Variants in MARCHF1 observed in about 807,000 individuals in gnomAD.
MARCHF1 encodes the protein membrane associated ring-CH-type finger 1, also known as E3 ubiquitin-protein ligase MARCHF1.
MARCHF1 carries 40 observed loss-of-function variants against 54.2 expected under a neutral mutation model. That is an observed-to-expected ratio of 0.74 (90% CI 0.57 to 0.96). The LOEUF (loss-of-function observed/expected upper bound fraction) is 0.96. MARCHF1 is among the 40% of genes least tolerant of loss of function. MARCHF1 has a pLI of 0.00. For synonymous variants in MARCHF1, 236 were observed against 236.3 expected (o/e 1.00, Z 0.01); for missense variants, 586 against 656.5 (o/e 0.89, Z 1.17).
At chr4:164,047,211 G>A (rs1477494551) in intron 2 of MARCHF1, among the ~76,000 whole-genome samples, 1 of 152,130 alleles carries the variant, frequency 6.6e-6, no homozygotes, top group Non-Finnish European at 1.5e-5. Context: ...AGCTGGGAAT[G>A]ACTTCAGCTG....
At chr4:163,832,889 G>A (rs182768207) in intron 4 of MARCHF1, among the ~76,000 whole-genome samples, 1 of 151,750 alleles carries the variant, frequency 6.6e-6, no homozygotes. Context: ...TGGTTTCCAG[G>A]TTCATCCATG....
intron 5 of MARCHF1, among the ~76,000 whole-genome samples, chr4:163,666,230 C>A (rs150205008): frequency 6.6e-6 from 1 of 152,080 alleles, no homozygotes; most frequent in Non-Finnish European, 1.5e-5. Flanking sequence ...GATACTATCA[C>A]GTGGTTTGAT....
chr4:163,955,212 TAAAA>T (rs574633631), intron 3 of MARCHF1, among the ~76,000 whole-genome samples: 1 of 111,826 alleles, frequency 8.9e-6, no homozygotes, highest in Non-Finnish European at 1.9e-5. Flanking sequence ...TACTGAACAT[TAAAA>T]AAAAAAAAAA....
At chr4:164,190,416 T>C in intron 1 of MARCHF1, 2 of 459,530 alleles carry the variant, frequency 4.4e-6, no homozygotes, top group South Asian at 4.8e-5. Context: ...AGAAGTCAAG[T>C]CTTAAATGTA....
chr4:164,353,825 C>T (rs1484657993), intron 1 of MARCHF1, among the ~76,000 whole-genome samples: 5 of 142,936 alleles, frequency 3.5e-5, no homozygotes, highest in African/African-American at 1.3e-4. Flanking sequence ...AATCCAGGAA[C>T]TGGTTTTTTG....
chr4:163,873,488 G>A (rs895227671), intron 3 of MARCHF1, among the ~76,000 whole-genome samples: 7 of 152,176 alleles, frequency 4.6e-5, no homozygotes, highest in Non-Finnish European at 1.0e-4. Context: ...TTTTGACAGA[G>A]CTGGACTCTG....
intron 4 of MARCHF1, among the ~76,000 whole-genome samples, chr4:163,720,964 T>C (rs1745433947): frequency 2.6e-5 from 4 of 152,318 alleles, no homozygotes; most frequent in Admixed American, 2.6e-4. Flanking sequence ...TACAATCATG[T>C]CATCTGCAGA....
intron 5 of MARCHF1, among the ~76,000 whole-genome samples, chr4:163,676,574 T>A (rs1243077183): frequency 6.6e-6 from 1 of 151,926 alleles, no homozygotes; most frequent in East Asian, 1.9e-4. Flanking sequence ...TAGCAAGACC[T>A]TACTTCTACA....
intron 2 of MARCHF1, among the ~76,000 whole-genome samples, chr4:164,002,355 T>TA (rs1039907511): frequency 6.6e-6 from 1 of 151,268 alleles, no homozygotes; most frequent in South Asian, 2.1e-4. Context: ...TCGATATAAG[T>TA]AAAAAAACAA....
At chr4:163,869,509 T>A (rs1253967132) in intron 3 of MARCHF1, among the ~76,000 whole-genome samples, 1 of 152,090 alleles carries the variant, frequency 6.6e-6, no homozygotes, top group Non-Finnish European at 1.5e-5. Flanking sequence ...CATTAATGTC[T>A]TGCTTTTTTT....
intron 1 of MARCHF1, among the ~76,000 whole-genome samples, chr4:164,329,403 A>G (rs1045466730): frequency 1.3e-5 from 2 of 152,204 alleles, no homozygotes; most frequent in Non-Finnish European, 2.9e-5. Context: ...AGAAAAAAGG[A>G]AGAAAGAAAA....
At position 163,809,956 on chromosome 4, in the gene MARCHF1, G is replaced by T. The variant is rs1748338285; in HGVS notation, c.111+44065C>A. Reference sequence around the variant, plus strand: ...CACAAAACTTTTTTTTCCTGTCTTAGAATTTTCTTTGGTACTGTATCCTGT... The same window carrying T: ...CACAAAACTTTTTTTTCCTGTCTTATAATTTTCTTTGGTACTGTATCCTGT... On this transcript the variant is annotated intron_variant, in intron 4 of 9. Transcript: ENST00000514618. Among the ~76,000 whole-genome samples the T allele has an allele frequency of 1.3e-5, 2 of 151,508 alleles. 1 individual carries two copies. Among genetic ancestry groups the T allele is most frequent in the South Asian group, 4.2e-4 (2 of 4,780 alleles).
chr4:163,581,422 T>C (rs969115376), intron 8 of MARCHF1, among the ~76,000 whole-genome samples: 5 of 152,220 alleles, frequency 3.3e-5, no homozygotes, highest in African/African-American at 1.2e-4. Flanking sequence ...TTGAATTTAT[T>C]TTTGTCATTA....
intron 1 of MARCHF1, among the ~76,000 whole-genome samples, chr4:164,147,311 T>C (rs1195811220): frequency 6.7e-6 from 1 of 148,436 alleles, no homozygotes; most frequent in Non-Finnish European, 1.5e-5. Flanking sequence ...GACCCAGCCA[T>C]CCCATTACTG....
chr4:164,256,117 C>A (rs548648968), intron 1 of MARCHF1, among the ~76,000 whole-genome samples: 140 of 150,408 alleles, frequency 9.3e-4, no homozygotes, highest in African/African-American at 2.8e-3. Context: ...ATAGTGGTAC[C>A]CTACAAAAAT....
At chr4:163,597,802 T>C (rs1450698462) in intron 7 of MARCHF1, among the ~76,000 whole-genome samples, 2 of 152,234 alleles carry the variant, frequency 1.3e-5, no homozygotes, top group Non-Finnish European at 2.9e-5. Context: ...TCTAGTTCCC[T>C]TCCTGTCCAG....
At chr4:163,929,956 TA>T (rs1751626318) in intron 3 of MARCHF1, among the ~76,000 whole-genome samples, 2 of 70,624 alleles carry the variant, frequency 2.8e-5, no homozygotes, top group Admixed American at 1.5e-4. Flanking sequence ...TTATATATAT[TA>T]TATATAATAT....
chr4:164,193,254 T>C (rs559929972), intron 1 of MARCHF1, among the ~76,000 whole-genome samples: 130 of 152,158 alleles, frequency 8.5e-4, no homozygotes, highest in Non-Finnish European at 9.9e-4. Context: ...AGGACTCTCC[T>C]TGATTCCAAG....
chr4:164,335,965 A>G (rs533918217), intron 1 of MARCHF1, among the ~76,000 whole-genome samples: 53 of 152,278 alleles, frequency 3.5e-4, no homozygotes, highest in Non-Finnish European at 6.8e-4. Context: ...TTCAACAGAA[A>G]TATTTCTCTT....
Sources: gnomAD v4.1 joint callset for allele counts (sites outside exome capture counted in the v4.1 genomes callset) on GRCh38, gnomAD v4.1.1 for gene constraint, MANE v1.5 for transcripts, NCBI Gene and HGNC (gene_info 2026-07-23, HGNC 2026-07-21) for gene names.